The following RAP1GDS1 variants were observed in gnomAD, a reference collection of about 807,000 sequenced individuals.
RAP1GDS1 encodes RAP1, GTP-GDP dissociation stimulator 1.
RAP1GDS1 carries 35 observed loss-of-function variants against 71.1 expected under a neutral mutation model. That is an observed-to-expected ratio of 0.49 (90% CI 0.38 to 0.65). RAP1GDS1 has a LOEUF of 0.65. RAP1GDS1 is among the 30% of genes least tolerant of loss of function. The probability of loss-of-function intolerance (pLI) is 0.00; values close to 1 mark genes in which losing one functional copy is unlikely to be tolerated. For missense variants in RAP1GDS1, 663 were observed against 706.1 expected (o/e 0.94, Z 0.69); for synonymous variants, 229 against 243.1 (o/e 0.94, Z 0.54).
intron 2 of RAP1GDS1, among the ~76,000 whole-genome samples, chr4:98,303,677 C>T (rs1459350038): frequency 7.2e-6 from 1 of 138,462 alleles, no homozygotes; most frequent in Non-Finnish European, 1.6e-5. Flanking sequence ...TTGGGGTATT[C>T]AGTATAGGAA....
intron 5 of RAP1GDS1, among the ~76,000 whole-genome samples, chr4:98,384,495 A>T (rs1037944759): frequency 1.3e-5 from 2 of 151,742 alleles, no homozygotes; most frequent in Non-Finnish European, 3.0e-5. Context: ...TTGTTTCACT[A>T]AAGAATAGAG....
chr4:98,352,708 TG>T, intron 4 of RAP1GDS1, 107 bp downstream of exon 4: 1 of 1,217,116 alleles, frequency 8.2e-7, no homozygotes, highest in African/African-American at 1.5e-5. Context: ...AACACTAACA[TG>T]GGCCGGCATG....
At chr4:98,406,697 G>A (rs947300028) in intron 7 of RAP1GDS1, among the ~76,000 whole-genome samples, 1 of 151,976 alleles carries the variant, frequency 6.6e-6, no homozygotes, top group African/African-American at 2.4e-5. Context: ...TTCAACTACA[G>A]AGCTCTTTCA....
intron 2 of RAP1GDS1, among the ~76,000 whole-genome samples, chr4:98,314,968 C>T (rs190131664): frequency 6.6e-6 from 1 of 152,282 alleles, no homozygotes; most frequent in Non-Finnish European, 1.5e-5. Flanking sequence ...TGGTAGCCTT[C>T]AGCTGTTGGT....
chr4:98,435,627 C>G (rs186186055), intron 13 of RAP1GDS1, among the ~76,000 whole-genome samples: 7 of 152,128 alleles, frequency 4.6e-5, no homozygotes, highest in Admixed American at 4.6e-4. Context: ...CCACACAGTT[C>G]AAACTTACGT....
intron 7 of RAP1GDS1, among the ~76,000 whole-genome samples, chr4:98,416,334 GTTTTTTTT>G (rs70955932): frequency 1.9e-5 from 1 of 51,554 alleles, no homozygotes; most frequent in Non-Finnish European, 3.5e-5. Flanking sequence ...CATTTTCTTA[GTTTTTTTT>G]TTTTTTTTTT....
In RAP1GDS1 at chr4:98,421,465, C is replaced by A. The variant is rs1044846213; in HGVS notation, c.1440+71C>A. 15 of 1,383,460 alleles carry A rather than the reference C, an allele frequency of 1.1e-5. No homozygotes were observed. The African/African-American group carries it at 2.0e-4, about 19-fold the overall frequency. 85.7% of individuals were successfully genotyped at this position (1,383,460 alleles called of 1,614,324 possible). A position where few individuals can be genotyped will look rare whatever the true frequency, so the allele number is the denominator to read the frequency against. The stretch of plus-strand genomic sequence containing the variant: ...TTTTCAGAAACCCAGCATTGTAGGT[C>A]CTAACAACTGGGATAATATTTACCT... On this transcript the variant is annotated intron_variant, in intron 12 of 14. Transcript: ENST00000408927.
chr4:98,274,875 C>A (rs1430277561), intron 1 of RAP1GDS1, among the ~76,000 whole-genome samples: 1 of 152,148 alleles, frequency 6.6e-6, no homozygotes, highest in Non-Finnish European at 1.5e-5. Flanking sequence ...AGTAGTTATT[C>A]TCACTGAAAG....
In RAP1GDS1 at chr4:98,379,315, T is replaced by C. The variant is rs1741645472; in HGVS notation, c.508+152T>C. On this transcript the variant is annotated intron_variant, in intron 5 of 14. Coordinates refer to ENST00000408927, the MANE Select transcript of RAP1GDS1 (RefSeq NM_001100427.2). ...AATTAGCCAACATTAAATTTCAATG[T>C]TTCAAAAATGTAAAATGGTTAATTT... is the stretch of plus-strand genomic sequence containing the variant. 9.2e-6 allele frequency: 8 copies of C among 867,388 alleles called. No homozygotes were observed. The South Asian group carries it at 2.2e-4, about 24-fold the overall frequency. 53.7% of individuals were successfully genotyped at this position (867,388 alleles called of 1,614,324 possible). A position where few individuals can be genotyped will look rare whatever the true frequency, so the allele number is the denominator to read the frequency against.
intron 1 of RAP1GDS1, among the ~76,000 whole-genome samples, chr4:98,270,622 A>G (rs1237750793): frequency 1.3e-5 from 2 of 152,196 alleles, no homozygotes; most frequent in Non-Finnish European, 2.9e-5. Flanking sequence ...TAGGTTAGTG[A>G]TAAATGGAAG....
chr4:98,369,798 A>G (rs1740079314), intron 4 of RAP1GDS1, among the ~76,000 whole-genome samples: 1 of 152,172 alleles, frequency 6.6e-6, no homozygotes, highest in Admixed American at 6.5e-5. Flanking sequence ...AGCTGTCAGC[A>G]CTCATCAGTT....
intron 14 of RAP1GDS1, among the ~76,000 whole-genome samples, chr4:98,439,354 G>A (rs1343722263): frequency 2.0e-5 from 3 of 152,140 alleles, no homozygotes; most frequent in Admixed American, 6.6e-5. Context: ...CTTTCTTTGC[G>A]TTTAGTATTC....
intron 2 of RAP1GDS1, among the ~76,000 whole-genome samples, chr4:98,337,851 T>C (rs1215562763): frequency 6.6e-6 from 1 of 152,098 alleles, no homozygotes; most frequent in Admixed American, 6.5e-5. Context: ...GTGTAGGATG[T>C]CCATGGAGGA....
intron 4 of RAP1GDS1, among the ~76,000 whole-genome samples, chr4:98,371,602 G>T (rs982742233): frequency 2.0e-5 from 3 of 151,786 alleles, no homozygotes; most frequent in African/African-American, 7.3e-5. Flanking sequence ...TCAGCCTCCC[G>T]AGTAGCTGGG....
At chr4:98,272,531 G>A (rs1363626432) in intron 1 of RAP1GDS1, among the ~76,000 whole-genome samples, 4 of 152,152 alleles carry the variant, frequency 2.6e-5, no homozygotes, top group African/African-American at 9.7e-5. Flanking sequence ...GTCGGACGTT[G>A]TCATGGAGAA....
chr4:98,429,963 C>G (rs1162105572), intron 12 of RAP1GDS1, among the ~76,000 whole-genome samples: 1 of 151,910 alleles, frequency 6.6e-6, no homozygotes, highest in African/African-American at 2.4e-5. Context: ...GAAGATACAT[C>G]CCAGCTTCTT....
Position 98,337,767 on chromosome 4 carries a change from A to G in RAP1GDS1, c.113-5372A>G, listed in dbSNP as rs111576382. On this transcript the variant is annotated intron_variant, in intron 2 of 14. Transcript: ENST00000408927. Reference sequence around the variant, plus strand: ...AGGGGGGTGGCATTTCAGAGAGGGAACATCATGTGCAGAAAGGAGTTATGA... The same window carrying G: ...AGGGGGGTGGCATTTCAGAGAGGGAGCATCATGTGCAGAAAGGAGTTATGA... Among the ~76,000 whole-genome samples, 779 of 152,260 alleles carry G rather than the reference A, an allele frequency of 5.1e-3. 9 individuals are homozygous for G. The highest frequency in any genetic ancestry group is 0.02 in the Middle Eastern group (6 of 294).
chr4:98,305,510 A>G (rs72688411), intron 2 of RAP1GDS1, among the ~76,000 whole-genome samples: 1 of 152,284 alleles, frequency 6.6e-6, no homozygotes, highest in Non-Finnish European at 1.5e-5. Flanking sequence ...GTGTATCCAA[A>G]TATATTCTTA....
chr4:98,275,936 G>A (rs995008729), intron 1 of RAP1GDS1, among the ~76,000 whole-genome samples: 1 of 151,992 alleles, frequency 6.6e-6, no homozygotes, highest in Non-Finnish European at 1.5e-5. Context: ...CTTTCCCCTG[G>A]CATCCCTCTT....
Sources: gnomAD v4.1 joint callset for allele counts (sites outside exome capture counted in the v4.1 genomes callset) on GRCh38, gnomAD v4.1.1 for gene constraint, MANE v1.5 for transcripts, NCBI Gene and HGNC (gene_info 2026-07-23, HGNC 2026-07-21) for gene names.